Variants in MAP3K9 observed in about 807,000 individuals in gnomAD.
The protein encoded by MAP3K9 is mixed lineage kinase 1 (tyr and ser/thr specificity).
A neutral mutation model predicts 95.8 loss-of-function variants in MAP3K9; 46 were observed. That is an observed-to-expected ratio of 0.48 (90% CI 0.38 to 0.61). The LOEUF (loss-of-function observed/expected upper bound fraction) is 0.61. Ranked by LOEUF, MAP3K9 falls within the 20% of genes least tolerant of loss-of-function variation. The pLI is 0.00. For missense variants in MAP3K9, 1,296 were observed against 1,474.3 expected, an observed-to-expected ratio of 0.88 and a Z score of 1.98; for synonymous variants, 533 against 593.8, an observed-to-expected ratio of 0.90 and a Z score of 1.49.
chr14:70,762,583 T>G (rs2054391028), intron 2 of MAP3K9, among the ~76,000 whole-genome samples: 1 of 152,214 alleles, frequency 6.6e-6, no homozygotes, highest in Non-Finnish European at 1.5e-5. Flanking sequence ...TTGCCCATTT[T>G]TAAAGTAAGT....
chr14:70,796,675 A>G (rs1426019927), intron 2 of MAP3K9, among the ~76,000 whole-genome samples: 4 of 152,124 alleles, frequency 2.6e-5, no homozygotes, highest in Non-Finnish European at 4.4e-5. Flanking sequence ...ATGGGAGCCA[A>G]CTCAGCCACA....
chr14:70,740,666 C>A (rs1566734369), intron 6 of MAP3K9, among the ~76,000 whole-genome samples: 1 of 152,170 alleles, frequency 6.6e-6, no homozygotes, highest in East Asian at 1.9e-4. Context: ...GAGCAAATGG[C>A]TCCAATTCGG....
At chr14:70,758,957 G>A (rs2054333691) in intron 3 of MAP3K9, among the ~76,000 whole-genome samples, 1 of 152,038 alleles carries the variant, frequency 6.6e-6, no homozygotes, top group Non-Finnish European at 1.5e-5. Context: ...GATGAATCTT[G>A]AAAACATTAT....
chr14:70,791,475 G>A (rs1040916737), intron 2 of MAP3K9, among the ~76,000 whole-genome samples: 1 of 152,194 alleles, frequency 6.6e-6, no homozygotes, highest in Non-Finnish European at 1.5e-5. Flanking sequence ...ATGAAGGCAC[G>A]TGGCCCACAA....
intron 9 of MAP3K9, among the ~76,000 whole-genome samples, chr14:70,734,998 C>T (rs1178500075): frequency 6.6e-6 from 1 of 152,258 alleles, no homozygotes; most frequent in Non-Finnish European, 1.5e-5. Context: ...TTATGGCATG[C>T]TTAGGCAACT....
At position 70,809,216 on chromosome 14, in the gene MAP3K9, AGCC is replaced by A. The variant is rs967484330; in HGVS notation, c.-48_-46del. The A allele has an allele frequency of 2.3e-6, 3 of 1,279,924 alleles. No homozygotes were observed. Among genetic ancestry groups the A allele is most frequent in the Non-Finnish European group, 2.9e-6 (3 of 1,019,668 alleles). The allele number at this position is 1,279,924 out of a possible 1,614,324, so 79.3% of individuals were successfully genotyped here. ...GTGCGGGGCCGCCGCCGCCCGCAGGAGCCGCCGCCGCCTATTGTTCATGCGCCT... is the reference window on the plus strand; with the variant it reads ...GTGCGGGGCCGCCGCCGCCCGCAGGAGCCGCCGCCTATTGTTCATGCGCCT... On this transcript the variant is annotated 5_prime_UTR_variant, in exon 1 of 12. Coordinates refer to ENST00000554752, the MANE Select transcript of MAP3K9 (RefSeq NM_001284230.2).
chr14:70,784,540 C>T (rs1273382886), intron 2 of MAP3K9, among the ~76,000 whole-genome samples: 1 of 152,114 alleles, frequency 6.6e-6, no homozygotes, highest in African/African-American at 2.4e-5. Flanking sequence ...GACAGGAGTT[C>T]AAGACCAGCC....
chr14:70,791,476 T>C (rs77497662), intron 2 of MAP3K9, among the ~76,000 whole-genome samples: 4,420 of 152,320 alleles, frequency 0.029, 103 homozygotes, highest in Non-Finnish European at 0.048. Context: ...TGAAGGCACG[T>C]GGCCCACAAA....
chr14:70,744,375 A>G lies in MAP3K9; in HGVS notation c.1327-1784T>C, dbSNP rs578209278. 2.0e-5 allele frequency among the ~76,000 whole-genome samples: 3 copies of G among 152,318 alleles called. No homozygotes were observed. In the East Asian group the frequency reaches 5.8e-4, roughly 29 times the overall value. On this transcript the variant is annotated intron_variant, in intron 5 of 11. Coordinates refer to ENST00000554752, the MANE Select transcript of MAP3K9 (RefSeq NM_001284230.2). ...AAATAGTAAAAATAAAAAAAAAGATATTTTTAAAGCAGAGCCAACTTAATC... is the reference window on the plus strand; with the variant it reads ...AAATAGTAAAAATAAAAAAAAAGATGTTTTTAAAGCAGAGCCAACTTAATC...
intron 1 of MAP3K9, among the ~76,000 whole-genome samples, chr14:70,806,304 A>G (rs897972760): frequency 1.3e-5 from 2 of 152,234 alleles, no homozygotes; most frequent in Admixed American, 1.3e-4. Context: ...CATGTAACTT[A>G]TAAGCAACTT....
chr14:70,751,395 A>G (rs1371077512), intron 3 of MAP3K9, among the ~76,000 whole-genome samples: 1 of 152,194 alleles, frequency 6.6e-6, no homozygotes, highest in Non-Finnish European at 1.5e-5. Flanking sequence ...ACCAGCAACA[A>G]AGGTCATATT....
chr14:70,788,670 G>T (rs1459125467), intron 2 of MAP3K9, among the ~76,000 whole-genome samples: 6 of 152,188 alleles, frequency 3.9e-5, no homozygotes, highest in Non-Finnish European at 8.8e-5. Flanking sequence ...GTCTATGCGG[G>T]AAGGAGGTAT....
At chr14:70,787,478 A>G (rs571818935) in intron 2 of MAP3K9, among the ~76,000 whole-genome samples, 5 of 150,350 alleles carry the variant, frequency 3.3e-5, no homozygotes, top group Non-Finnish European at 5.9e-5. Context: ...ACTGCACACC[A>G]GCTCGGGCAA....
At chr14:70,784,237 C>A (rs769774198) in intron 2 of MAP3K9, among the ~76,000 whole-genome samples, 1 of 151,580 alleles carries the variant, frequency 6.6e-6, no homozygotes, top group Non-Finnish European at 1.5e-5. Context: ...AAGCTGAGAT[C>A]GCGCCACTGC....
At chr14:70,776,150 T>C (rs1282345015) in intron 2 of MAP3K9, among the ~76,000 whole-genome samples, 1 of 151,986 alleles carries the variant, frequency 6.6e-6, no homozygotes, top group Non-Finnish European at 1.5e-5. Context: ...GATCGCGCCA[T>C]TACACTCCAG....
At chr14:70,807,363 G>A (rs529478146) in intron 1 of MAP3K9, among the ~76,000 whole-genome samples, 3 of 152,222 alleles carry the variant, frequency 2.0e-5, no homozygotes, top group East Asian at 3.9e-4. Context: ...GGTGGCGGGC[G>A]CCTGTAATCC....
chr14:70,730,053 C>A lies in MAP3K9; in HGVS notation c.*327G>T. 1 of 293,144 alleles carries A rather than the reference C, an allele frequency of 3.4e-6. No individual in the cohort carries two copies. Among genetic ancestry groups the A allele is most frequent in the East Asian group, 7.2e-5 (1 of 13,926 alleles). 18.2% of individuals were successfully genotyped at this position (293,144 alleles called of 1,614,324 possible). A position where few individuals can be genotyped will look rare whatever the true frequency, so the allele number is the denominator to read the frequency against. ...CCAACTGGCTGAGGAGAGGGAGCAG[C>A]AGACAGATTTGGCTGAGTGACTCTG... On this transcript the variant is annotated 3_prime_UTR_variant, in exon 12 of 12. Transcript: ENST00000554752.
intron 3 of MAP3K9, among the ~76,000 whole-genome samples, chr14:70,753,978 C>G (rs995982770): frequency 6.6e-6 from 1 of 152,186 alleles, no homozygotes; most frequent in Non-Finnish European, 1.5e-5. Flanking sequence ...AGGGTCCATG[C>G]TCTGAAAGGA....
chr14:70,803,337 T>TAAAAAAAAAAAAAAA (rs10583563), intron 1 of MAP3K9, among the ~76,000 whole-genome samples: 1 of 75,200 alleles, frequency 1.3e-5, no homozygotes, highest in African/African-American at 5.6e-5. Flanking sequence ...ATTCAGATCT[T>TAAAAAAAAAAAAAAA]AAAAAAAAAA....
Sources: allele counts gnomAD v4.1 joint callset (sites outside exome capture counted in the v4.1 genomes callset), GRCh38; gene constraint gnomAD v4.1.1; transcripts MANE v1.5; gene names NCBI Gene and HGNC (gene_info 2026-07-23, HGNC 2026-07-21).